The following ZNF469 variants were observed in gnomAD, a reference collection of about 807,000 sequenced individuals.
The protein encoded by ZNF469 is zinc finger protein 469.
A neutral mutation model predicts 1.0 loss-of-function variants in ZNF469; 1 was observed. The observed-to-expected ratio is 1.00, with a 90% CI of 0.35 to 4.73. ZNF469 has a LOEUF of 4.73. ZNF469 is among the 30% of genes most tolerant of loss of function. The probability of loss-of-function intolerance (pLI) is 0.16; values close to 1 mark genes in which losing one functional copy is unlikely to be tolerated. For synonymous variants in ZNF469, 2,703 were observed against 2,363.4 expected (o/e 1.14, Z -4.17); for missense variants, 6,100 against 5,356.3 (o/e 1.14, Z -4.33).
chr16:88,344,342 A>G, the ZNF469 span, among the ~76,000 whole-genome samples: 7 of 152,190 alleles, frequency 4.6e-5, no homozygotes, highest in African/African-American at 1.7e-4. Flanking sequence ...TGGTGTCCAC[A>G]GTGATGTGAG....
At chr16:88,171,001 C>T in the ZNF469 span, among the ~76,000 whole-genome samples, 1 of 152,114 alleles carries the variant, frequency 6.6e-6, no homozygotes, top group African/African-American at 2.4e-5. Context: ...GTTAAACACT[C>T]ACCCTAGGAC....
At chr16:88,319,668 GC>G in the ZNF469 span, among the ~76,000 whole-genome samples, 1 of 152,168 alleles carries the variant, frequency 6.6e-6, no homozygotes, top group Non-Finnish European at 1.5e-5. Flanking sequence ...TCCCTAGGAA[GC>G]CCCGTCTGTG....
the ZNF469 span, among the ~76,000 whole-genome samples, chr16:88,333,314 C>T: frequency 6.8e-6 from 1 of 146,290 alleles, no homozygotes; most frequent in Non-Finnish European, 1.5e-5. Flanking sequence ...GTGGAGAAGG[C>T]TCGGACTTGC....
Position 88,433,714 on chromosome 16 carries a change from CG to C in ZNF469, c.6246del (p.Thr2083LeufsTer10). On this transcript the variant is annotated frameshift_variant, in exon 3 of 3. Coordinates refer to ENST00000565624, the MANE Select transcript of ZNF469 (RefSeq NM_001367624.2). LOFTEE classifies it low-confidence loss of function (END_TRUNC). ...AAHSRSGSEG[R>X]TPERASSPGL... ...CCACAGCCGAAGTGGATCTGAGGGC[CG>C]GACTCCAGAGAGGGCGTCCAGCCCC... is the stretch of plus-strand genomic sequence containing the variant. 6.5e-7 allele frequency: 1 copy of C among 1,548,982 alleles called. No homozygotes were observed. Among genetic ancestry groups the C allele is most frequent in the Non-Finnish European group, 8.7e-7 (1 of 1,146,690 alleles).
chr16:88,428,959 G>C lies in ZNF469; in HGVS notation c.1489G>C (p.Gly497Arg). 1 of 1,547,948 alleles carries C rather than the reference G, an allele frequency of 6.5e-7. No homozygotes were observed. Among genetic ancestry groups the C allele is most frequent in the Non-Finnish European group, 8.7e-7 (1 of 1,146,236 alleles). The change falls in exon 3 of 3, where the codon GGA becomes CGA. Residue 497 changes from glycine (G) to arginine (R), a missense_variant. By Grantham distance (125) the Gly-to-Arg change is moderately radical (BLOSUM62 -2). Coordinates refer to ENST00000565624, the MANE Select transcript of ZNF469 (RefSeq NM_001367624.2). ...CCCGACCGCCCGGCCAAGTCCCCACGGAATGGAGATGCTGAGCCGGCTGCC... is the reference window on the plus strand; with the variant it reads ...CCCGACCGCCCGGCCAAGTCCCCACCGAATGGAGATGCTGAGCCGGCTGCC... ...VLPTARPSPH[G>R]MEMLSRLPFP...
the ZNF469 span, among the ~76,000 whole-genome samples, chr16:88,133,117 C>T: frequency 3.1e-3 from 478 of 152,306 alleles, 6 homozygotes; most frequent in African/African-American, 0.011. Context: ...GCACTGCCTG[C>T]GATCAACATC....
chr16:88,346,940 C>T, the ZNF469 span, among the ~76,000 whole-genome samples: 2 of 152,242 alleles, frequency 1.3e-5, no homozygotes, highest in Non-Finnish European at 2.9e-5. Flanking sequence ...GGCCTGGCCA[C>T]CCTCGGGAGA....
At chr16:88,114,351 CAG>C in the ZNF469 span, among the ~76,000 whole-genome samples, 1 of 139,908 alleles carries the variant, frequency 7.1e-6, no homozygotes, top group African/African-American at 2.8e-5. Flanking sequence ...GCGGGGGTCT[CAG>C]GGGAGAATGA....
At chr16:88,381,472 A>G (rs1174168089), upstream of ZNF469, among the ~76,000 whole-genome samples, 1 of 152,268 alleles carries the variant, frequency 6.6e-6, no homozygotes, top group Non-Finnish European at 1.5e-5. Context: ...TAGAAACAAG[A>G]ACAGACCCAG....
the ZNF469 span, among the ~76,000 whole-genome samples, chr16:88,341,740 G>A: frequency 1.3e-5 from 2 of 152,212 alleles, no homozygotes; most frequent in Non-Finnish European, 2.9e-5. Context: ...CAGACTGGGG[G>A]TGGGGTTCAG....
At chr16:88,332,973 A>C in the ZNF469 span, among the ~76,000 whole-genome samples, 1 of 152,090 alleles carries the variant, frequency 6.6e-6, no homozygotes, top group East Asian at 1.9e-4. Flanking sequence ...CCCAGGAGCC[A>C]CGTCCCTGCC....
chr16:88,133,220 C>T, the ZNF469 span, among the ~76,000 whole-genome samples: 3 of 152,252 alleles, frequency 2.0e-5, no homozygotes, highest in South Asian at 4.1e-4. Context: ...CTTCCGCCCT[C>T]GTCCTTGGTA....
chr16:88,168,331 AG>A, the ZNF469 span, among the ~76,000 whole-genome samples: 1 of 152,174 alleles, frequency 6.6e-6, no homozygotes, highest in Non-Finnish European at 1.5e-5. The surrounding 1 kb of genome is among the most constrained non-coding windows in gnomAD (Gnocchi z 4.3). Flanking sequence ...GCTGGAATCC[AG>A]GCAAAGTGAA....
the ZNF469 span, among the ~76,000 whole-genome samples, chr16:88,294,222 A>T: frequency 2.0e-5 from 3 of 152,352 alleles, no homozygotes; most frequent in East Asian, 5.8e-4. Flanking sequence ...CCAAGATGCC[A>T]ATCAGAACCA....
chr16:88,291,265 G>A, the ZNF469 span, among the ~76,000 whole-genome samples: 14 of 152,346 alleles, frequency 9.2e-5, no homozygotes, highest in Middle Eastern at 3.4e-3. Flanking sequence ...GGAGCTTGGT[G>A]TCTGCCCAGC....
chr16:88,176,389 G>C, the ZNF469 span, among the ~76,000 whole-genome samples: 1 of 149,586 alleles, frequency 6.7e-6, no homozygotes, highest in Non-Finnish European at 1.5e-5. Context: ...ACCTGGGCCT[G>C]GGGGAGCTGG....
chr16:88,413,511 C>G (rs1489403497), intron 1 of ZNF469, among the ~76,000 whole-genome samples: 1 of 152,238 alleles, frequency 6.6e-6, no homozygotes, highest in Non-Finnish European at 1.5e-5. Flanking sequence ...TGTGGCAGCC[C>G]TGCTCAGCCC....
In ZNF469 at chr16:88,434,914, C is replaced by T. The variant is rs1002940022; in HGVS notation, c.7444C>T (p.Arg2482Cys). ...CTGTGAGGTCTGCGCAGCCTCCTTC[C>T]GCTCCGGGCCGGGCCTGAGCCGGCA... is the stretch of plus-strand genomic sequence containing the variant. ...VTCEVCAASF[R>C]SGPGLSRHKA... The change falls in exon 3 of 3, where the codon CGC becomes TGC. Residue 2482 changes from arginine (R) to cysteine (C), a missense_variant. Physicochemically the swap from Arg to Cys is radical, Grantham distance 180. Coordinates refer to ENST00000565624, the MANE Select transcript of ZNF469 (RefSeq NM_001367624.2). 7.1e-6 allele frequency: 11 copies of T among 1,550,136 alleles called. No individual in the cohort carries two copies. The Middle Eastern group carries it at 5.0e-4, about 70-fold the overall frequency.
At chr16:88,386,593 C>T (rs1374976088) in intron 1 of ZNF469, among the ~76,000 whole-genome samples, 3 of 152,170 alleles carry the variant, frequency 2.0e-5, no homozygotes, top group African/African-American at 7.2e-5. Flanking sequence ...AGGCGCTGGC[C>T]GGTGACTCGG....
Sources: allele counts gnomAD v4.1 joint callset (sites outside exome capture counted in the v4.1 genomes callset), GRCh38; gene constraint gnomAD v4.1.1; non-coding constraint Gnocchi (gnomAD v3.1); transcripts MANE v1.5; gene names NCBI Gene and HGNC (gene_info 2026-07-23, HGNC 2026-07-21).